MGAT4C: variants seen among roughly 807,000 people sequenced by gnomAD.
MGAT4C encodes the protein MGAT4 family member C, also known as alpha-1,3-mannosyl-glycoprotein 4-beta-N-acetylglucosaminyltransferase C.
In MGAT4C, 19 loss-of-function variants were observed where a neutral mutation model predicts 40.1. That is an observed-to-expected ratio of 0.47 (90% CI 0.33 to 0.70). The LOEUF is 0.70. MGAT4C is among the 30% of genes least tolerant of loss of function. The pLI is 0.02. For missense variants in MGAT4C, 491 were observed against 563.2 expected (o/e 0.87, Z 1.30); for synonymous variants, 181 against 187.1 (o/e 0.97, Z 0.27).
upstream of MGAT4C, among the ~76,000 whole-genome samples, chr12:86,260,508 G>A (rs116603816): frequency 1.2e-4 from 19 of 152,124 alleles, no homozygotes; most frequent in African/African-American, 4.3e-4. Context: ...TTTACAATGT[G>A]CCAATTTCCT....
intron 1 of MGAT4C, among the ~76,000 whole-genome samples, chr12:86,790,613 T>C (rs950332402): frequency 6.6e-6 from 1 of 152,034 alleles, no homozygotes; most frequent in Non-Finnish European, 1.5e-5. Context: ...TATCCCATAG[T>C]TTTGAAGGTA....
At chr12:86,314,971 T>C (rs1020945829) in intron 4 of MGAT4C, among the ~76,000 whole-genome samples, 3 of 152,060 alleles carry the variant, frequency 2.0e-5, no homozygotes, top group Non-Finnish European at 4.4e-5. Flanking sequence ...GCCAATGTCA[T>C]TTTTTACAGA....
intron 1 of MGAT4C, among the ~76,000 whole-genome samples, chr12:86,053,648 C>T (rs1440873192): frequency 6.6e-6 from 1 of 151,896 alleles, no homozygotes; most frequent in Non-Finnish European, 1.5e-5. Flanking sequence ...AAAAGATAGC[C>T]TGCAAAATGG....
intron 1 of MGAT4C, among the ~76,000 whole-genome samples, chr12:86,100,626 T>C (rs1373931065): frequency 2.6e-5 from 4 of 151,482 alleles, no homozygotes; most frequent in Admixed American, 1.3e-4. Context: ...CCACTATTCA[T>C]TGTGTAGAGT....
At chr12:86,409,285 G>T (rs111372894) in intron 3 of MGAT4C, among the ~76,000 whole-genome samples, 2 of 152,072 alleles carry the variant, frequency 1.3e-5, no homozygotes, top group Non-Finnish European at 1.5e-5. Context: ...ATAATAAGAA[G>T]AATAATAGTA....
At chr12:86,388,775 G>A (rs1956111712) in intron 3 of MGAT4C, among the ~76,000 whole-genome samples, 1 of 148,680 alleles carries the variant, frequency 6.7e-6, no homozygotes, top group Admixed American at 6.8e-5. Context: ...TCTGACTCCT[G>A]GGTTCAAGCT....
chr12:86,612,986 G>A lies in MGAT4C; in HGVS notation c.-229+114223C>T, dbSNP rs573876601. 2.0e-5 allele frequency among the ~76,000 whole-genome samples: 3 copies of A among 152,146 alleles called. No homozygotes were observed. In the South Asian group the frequency reaches 6.2e-4, roughly 32 times the overall value. ...TCAATGGCATTTACACTCTTTTGAT[G>A]ATAACATGACCAAACTTGTTACTGA... On this transcript the variant is annotated intron_variant, in intron 2 of 7. Coordinates refer to the MGAT4C transcript ENST00000548651.
At chr12:86,423,440 A>C (rs1956868280) in intron 3 of MGAT4C, among the ~76,000 whole-genome samples, 1 of 151,988 alleles carries the variant, frequency 6.6e-6, no homozygotes, top group Non-Finnish European at 1.5e-5. Context: ...AGTGTTTTCA[A>C]TTTTACCAAC....
chr12:86,270,133 C>T lies in MGAT4C; in HGVS notation c.-57+63932G>A, dbSNP rs899441166. Among the ~76,000 whole-genome samples the T allele has an allele frequency of 1.2e-4, 18 of 152,134 alleles. 1 individual carries two copies. Among genetic ancestry groups the T allele is most frequent in the African/African-American group, 1.4e-4 (6 of 41,514 alleles). ...CCAGGCTGGAGTGCAGTGGCATGAT[C>T]GCGGCTCACTGCAACATCTGCCCCC... On this transcript the variant is annotated intron_variant, in intron 4 of 7. Coordinates refer to the MGAT4C transcript ENST00000548651.
intron 1 of MGAT4C, among the ~76,000 whole-genome samples, chr12:86,071,555 A>G (rs1279442834): frequency 6.6e-6 from 1 of 152,104 alleles, no homozygotes; most frequent in African/African-American, 2.4e-5. Context: ...GAAGGCTGCT[A>G]ATTTGTGCAA....
intron 2 of MGAT4C, among the ~76,000 whole-genome samples, chr12:86,449,889 T>G (rs781094640): frequency 4.6e-5 from 7 of 152,154 alleles, no homozygotes; most frequent in Non-Finnish European, 8.8e-5. Flanking sequence ...GCTTTGACTG[T>G]TTAATGGGTG....
intron 2 of MGAT4C, among the ~76,000 whole-genome samples, chr12:86,031,498 G>T (rs2136905745): frequency 6.6e-6 from 1 of 151,812 alleles, no homozygotes; most frequent in South Asian, 2.1e-4. Context: ...TTATGAATAT[G>T]TATGAATATA....
intron 2 of MGAT4C, among the ~76,000 whole-genome samples, chr12:86,657,267 G>T (rs899662027): frequency 3.6e-4 from 54 of 151,986 alleles, no homozygotes; most frequent in African/African-American, 1.3e-3. Flanking sequence ...CAATGTAAGT[G>T]GGGCAAAAAG....
intron 2 of MGAT4C, among the ~76,000 whole-genome samples, chr12:86,444,989 C>G (rs1957307869): frequency 6.6e-6 from 1 of 152,160 alleles, no homozygotes; most frequent in African/African-American, 2.4e-5. Context: ...TCCATAGTGA[C>G]AGAAAGCAGA....
chr12:86,580,544 A>G (rs1470427948), intron 2 of MGAT4C, among the ~76,000 whole-genome samples: 1 of 151,532 alleles, frequency 6.6e-6, no homozygotes, highest in Non-Finnish European at 1.5e-5. Context: ...AGAATTGATT[A>G]TAGCTATAAT....
chr12:86,047,754 C>A (rs61931124), intron 2 of MGAT4C, among the ~76,000 whole-genome samples: 10,805 of 152,188 alleles, frequency 0.071, 541 homozygotes, highest in Middle Eastern at 0.23. Flanking sequence ...GATCTGAGAT[C>A]TGAATGAATT....
At chr12:86,700,053 T>TAGATAGATAGATAGAC (rs1397315218) in intron 2 of MGAT4C, among the ~76,000 whole-genome samples, 7 of 151,266 alleles carry the variant, frequency 4.6e-5, no homozygotes, top group African/African-American at 1.7e-4. Context: ...GATAGATAGA[T>TAGATAGATAGATAGAC]AGATAGATAG....
chr12:86,819,918 TGAA>T (rs1952677616), intron 1 of MGAT4C, among the ~76,000 whole-genome samples: 1 of 150,716 alleles, frequency 6.6e-6, no homozygotes, highest in African/African-American at 2.4e-5. Flanking sequence ...AAGCTGTCCA[TGAA>T]GAAGAAATTC....
chr12:86,227,211 C>A (rs1394644053), intron 1 of MGAT4C, among the ~76,000 whole-genome samples: 1 of 132,372 alleles, frequency 7.6e-6, no homozygotes, highest in Admixed American at 7.9e-5. Context: ...TCAATAAATG[C>A]TAGTTTTAGT....
Sources: allele counts gnomAD v4.1 joint callset (sites outside exome capture counted in the v4.1 genomes callset), GRCh38; gene constraint gnomAD v4.1.1; transcripts MANE v1.5; gene names NCBI Gene and HGNC (gene_info 2026-07-23, HGNC 2026-07-21).